The following COG5 variants were observed in gnomAD, a reference collection of about 807,000 sequenced individuals.
COG5 encodes the protein component of oligomeric golgi complex 5, also known as conserved oligomeric Golgi complex subunit 5.
COG5 carries 86 observed loss-of-function variants against 110.4 expected under a neutral mutation model. The ratio of observed to expected loss-of-function variants is 0.78; its 90% CI spans 0.65 to 0.93. The LOEUF (loss-of-function observed/expected upper bound fraction) is 0.93, where lower values mean the gene tolerates loss of function less well. COG5 is among the 40% of genes least tolerant of loss of function. The pLI is 0.00. For missense variants in COG5, 1,077 were observed against 987.0 expected, an observed-to-expected ratio of 1.09 and a Z score of -1.22; for synonymous variants, 360 against 334.6, an observed-to-expected ratio of 1.08 and a Z score of -0.83.
intron 2 of COG5, among the ~76,000 whole-genome samples, chr7:107,556,649 A>G (rs1230466019): frequency 6.6e-6 from 1 of 152,184 alleles, no homozygotes; most frequent in Non-Finnish European, 1.5e-5. Context: ...TCGCTTGCCT[A>G]CCATTATTTC....
chr7:107,540,301 G>A (rs1482275280), intron 5 of COG5, among the ~76,000 whole-genome samples: 1 of 152,022 alleles, frequency 6.6e-6, no homozygotes, highest in Admixed American at 6.6e-5. Flanking sequence ...AAAGATTAAT[G>A]GTGGCTCATG....
intron 3 of COG5, among the ~76,000 whole-genome samples, chr7:107,551,332 T>A (rs1802875846): frequency 6.6e-6 from 1 of 152,202 alleles, no homozygotes; most frequent in Non-Finnish European, 1.5e-5. Flanking sequence ...AAAACTCTAT[T>A]GCTATAGCTT....
At chr7:107,250,846 A>C (rs950795412) in intron 16 of COG5, among the ~76,000 whole-genome samples, 1 of 152,020 alleles carries the variant, frequency 6.6e-6, no homozygotes, top group African/African-American at 2.4e-5. Flanking sequence ...TGGAGAAGAG[A>C]AAAAATACTA....
chr7:107,423,123 C>T, intron 6 of COG5, among the ~76,000 whole-genome samples: 1 of 150,014 alleles, frequency 6.7e-6, no homozygotes. Flanking sequence ...TTCAAAGATA[C>T]AAAGTTTGTT....
At position 107,501,681 on chromosome 7, in the gene COG5, T is replaced by G. The variant is rs578088941; in HGVS notation, c.538+25556A>C. 2.2e-4 allele frequency among the ~76,000 whole-genome samples: 34 copies of G among 152,252 alleles called. No homozygotes were observed. The South Asian group carries it at 6.8e-3, about 31-fold the overall frequency. On this transcript the variant is annotated intron_variant, in intron 6 of 21. Transcript: ENST00000297135. ...CAATTAGTTTTAAAAAAGGTTTGTG[T>G]GCTTGTGTGTATAATTTCTATATGC... is the stretch of plus-strand genomic sequence containing the variant.
chr7:107,340,957 G>C (rs1334284169), intron 10 of COG5, among the ~76,000 whole-genome samples: 3 of 152,176 alleles, frequency 2.0e-5, no homozygotes, highest in Non-Finnish European at 4.4e-5. Flanking sequence ...CATTCCCCTT[G>C]AGAACAGGAA....
chr7:107,264,335 T>C (rs376732495), intron 14 of COG5, among the ~76,000 whole-genome samples: 1 of 152,068 alleles, frequency 6.6e-6, no homozygotes, highest in Non-Finnish European at 1.5e-5. Flanking sequence ...TAAGGAGCAA[T>C]ATATTCCAAG....
intron 17 of COG5, among the ~76,000 whole-genome samples, chr7:107,246,738 G>T (rs1333117170): frequency 6.6e-6 from 1 of 152,188 alleles, no homozygotes; most frequent in Non-Finnish European, 1.5e-5. Context: ...TGGTGAGGTT[G>T]CAGAGAAAAG....
At chr7:107,222,205 C>CT (rs796500223) in intron 19 of COG5, among the ~76,000 whole-genome samples, 453 of 145,484 alleles carry the variant, frequency 3.1e-3, no homozygotes, top group Non-Finnish European at 3.9e-3. Context: ...CTGTCCCCCC[C>CT]TTTTTTTTTT....
At chr7:107,504,999 G>C (rs764320072) in intron 6 of COG5, among the ~76,000 whole-genome samples, 2 of 152,080 alleles carry the variant, frequency 1.3e-5, no homozygotes, top group South Asian at 2.1e-4. Context: ...TGGTTATTAA[G>C]AGTCTTTGTA....
At chr7:107,251,726 C>T (rs914330507) in intron 16 of COG5, among the ~76,000 whole-genome samples, 4 of 151,846 alleles carry the variant, frequency 2.6e-5, no homozygotes, top group East Asian at 1.9e-4. Flanking sequence ...AAATTTACAA[C>T]GTTAAATGTT....
intron 12 of COG5, among the ~76,000 whole-genome samples, chr7:107,287,392 C>G (rs574009974): frequency 2.6e-5 from 4 of 152,064 alleles, no homozygotes; most frequent in Non-Finnish European, 1.5e-5. Context: ...TGTGTGACAG[C>G]TCTCCCTTCA....
chr7:107,556,623 C>T (rs1362952509), intron 2 of COG5, among the ~76,000 whole-genome samples: 1 of 152,192 alleles, frequency 6.6e-6, no homozygotes, highest in African/African-American at 2.4e-5. Flanking sequence ...TTACACTGTT[C>T]TATTTAAAAC....
intron 6 of COG5, among the ~76,000 whole-genome samples, chr7:107,492,241 T>C (rs1798018949): frequency 6.6e-6 from 1 of 151,496 alleles, no homozygotes; most frequent in Non-Finnish European, 1.5e-5. Flanking sequence ...AATGTCTTTC[T>C]AGAGAAGAGC....
At chr7:107,344,123 T>G (rs1038237105) in intron 10 of COG5, among the ~76,000 whole-genome samples, 2 of 152,184 alleles carry the variant, frequency 1.3e-5, no homozygotes, top group Non-Finnish European at 2.9e-5. Context: ...AAGCCAGGTA[T>G]GGACTTCCGC....
intron 6 of COG5, among the ~76,000 whole-genome samples, chr7:107,426,866 A>G (rs1793676637): frequency 6.6e-6 from 1 of 152,144 alleles, no homozygotes; most frequent in South Asian, 2.1e-4. Context: ...TCTTATAATA[A>G]ATCCTTTCTA....
intron 10 of COG5, 27 bp downstream of exon 10, chr7:107,362,006 T>G: frequency 6.9e-7 from 1 of 1,446,422 alleles, no homozygotes; most frequent in East Asian, 2.3e-5. Flanking sequence ...ACAAGAAAGA[T>G]GTAAAAATAT....
chr7:107,402,335 G>A (rs1167040343), intron 7 of COG5, among the ~76,000 whole-genome samples: 1 of 152,170 alleles, frequency 6.6e-6, no homozygotes, highest in Non-Finnish European at 1.5e-5. Flanking sequence ...TCTGAAAGAA[G>A]TGAACACAGA....
intron 8 of COG5, among the ~76,000 whole-genome samples, chr7:107,371,782 G>C (rs1488669783): frequency 6.6e-6 from 1 of 152,058 alleles, no homozygotes; most frequent in Non-Finnish European, 1.5e-5. Context: ...TTGTCAACCT[G>C]GTAGAAAGAA....
Sources: allele counts gnomAD v4.1 joint callset (sites outside exome capture counted in the v4.1 genomes callset), GRCh38; gene constraint gnomAD v4.1.1; transcripts MANE v1.5; gene names NCBI Gene and HGNC (gene_info 2026-07-23, HGNC 2026-07-21).